Variants in COL4A1 observed in about 807,000 individuals in gnomAD.
The protein encoded by COL4A1 is collagen type IV alpha 1 chain.
Under a neutral mutation model 216.6 loss-of-function variants are expected in COL4A1, and 40 were observed. The ratio of observed to expected loss-of-function variants is 0.18; its 90% CI spans 0.14 to 0.24. The LOEUF (loss-of-function observed/expected upper bound fraction) is 0.24, where lower values mean the gene tolerates loss of function less well. Ranked by LOEUF, COL4A1 falls within the 10% of genes least tolerant of loss-of-function variation. COL4A1 has a pLI of 1.00. For missense variants in COL4A1, 1,628 were observed against 2,196.8 expected (o/e 0.74, Z 5.18); for synonymous variants, 839 against 810.7 (o/e 1.03, Z -0.59).
At position 110,213,803 on chromosome 13, in the gene COL4A1, T is replaced by C; in HGVS notation, c.258A>G (p.Leu86=). The C allele has an allele frequency of 6.2e-7, 1 of 1,614,132 alleles. No homozygotes were observed. Among genetic ancestry groups the C allele is most frequent in the Non-Finnish European group, 8.5e-7 (1 of 1,179,980 alleles). Residue 86 remains leucine (L), a synonymous_variant, in exon 4 of 52, where the codon CTA becomes CTG. Transcript: ENST00000375820. The stretch of plus-strand genomic sequence containing the variant: ...TCACTCTTGTCCCTTTTGTTCCAGG[T>C]AGTCCTGGTTCTCCAGTATCACCCT... ...GQKGDTGEPG[L]PGTKGTRGPP... is the part of the protein sequence containing the mutation.
chr13:110,301,282 C>A (rs1884480902), intron 1 of COL4A1, among the ~76,000 whole-genome samples: 1 of 152,220 alleles, frequency 6.6e-6, no homozygotes, highest in Non-Finnish European at 1.5e-5. Context: ...AAAATTGGAA[C>A]CAATTACAAG....
Position 110,252,661 on chromosome 13 carries a change from G to GTA in COL4A1, c.85-9929_85-9928dup, listed in dbSNP as rs1882183856. Among the ~76,000 whole-genome samples the GTA allele has an allele frequency of 2.2e-5, 3 of 139,086 alleles. No individual in the cohort carries two copies. The Admixed American group carries it at 2.2e-4, about 10-fold the overall frequency. 91.2% of individuals were successfully genotyped at this position (139,086 alleles called of 152,430 possible). ...ATACTTATATACAAAATGTATATAT[G>GTA]TATATATACATATAATATGTATATA... On this transcript the variant is annotated intron_variant, in intron 1 of 51. Coordinates refer to ENST00000375820, the MANE Select transcript of COL4A1 (RefSeq NM_001845.6).
chr13:110,155,379 C>T lies in COL4A1; in HGVS notation c.4659G>A (p.Ala1553=), dbSNP rs141072338. ...PFISRCAVCE[A]PAMVMAVHSQ... is the part of the protein sequence containing the mutation. ...TGTGCACGGCCATCACCATGGCAGG[C>T]GCCTCACACACAGCACACCTGGAAG... The change falls in exon 50 of 52, where the codon GCG becomes GCA. Residue 1553 remains alanine, a synonymous_variant. Transcript: ENST00000375820. 40 of 1,613,814 alleles carry T rather than the reference C, an allele frequency of 2.5e-5. No individual in the cohort carries two copies. Among genetic ancestry groups the T allele is most frequent in the Admixed American group, 1.5e-4 (9 of 60,002 alleles).
In COL4A1 at chr13:110,268,209, T is replaced by TGC. The variant is rs1365963967; in HGVS notation, c.85-25477_85-25476dup. On this transcript the variant is annotated intron_variant, in intron 1 of 51. Coordinates refer to ENST00000375820, the MANE Select transcript of COL4A1 (RefSeq NM_001845.6). The surrounding 1 kb of genome is among the most constrained non-coding windows in gnomAD (Gnocchi z 4.1). Reference sequence around the variant, plus strand: ...AGCAGGGCCGATGCCAACTGTGTCCTGCCTCAGAGCACCGGCACTGCCAGT... The same window carrying TGC: ...AGCAGGGCCGATGCCAACTGTGTCCTGCGCCTCAGAGCACCGGCACTGCCAGT... Among the ~76,000 whole-genome samples the TGC allele has an allele frequency of 6.6e-6, 1 of 152,202 alleles. No homozygotes were observed. Among genetic ancestry groups the TGC allele is most frequent in the Non-Finnish European group, 1.5e-5 (1 of 68,030 alleles).
At chr13:110,202,153 A>G (rs1879280198) in intron 18 of COL4A1, among the ~76,000 whole-genome samples, 1 of 151,834 alleles carries the variant, frequency 6.6e-6, no homozygotes, top group Non-Finnish European at 1.5e-5. Context: ...CATCAATTTG[A>G]GGCTTAGATT....
intron 15 of COL4A1, among the ~76,000 whole-genome samples, 185 bp downstream of exon 15, chr13:110,206,480 C>T (rs538365112): frequency 8.5e-5 from 13 of 152,362 alleles, no homozygotes; most frequent in Admixed American, 3.9e-4. Context: ...GGAAGGACCT[C>T]GCCTGCCTGG....
At chr13:110,190,098 A>C (rs546671584) in intron 24 of COL4A1, among the ~76,000 whole-genome samples, 1 of 152,304 alleles carries the variant, frequency 6.6e-6, no homozygotes, top group Non-Finnish European at 1.5e-5. Flanking sequence ...AGGGTGAGAA[A>C]ATATAATTTT....
intron 1 of COL4A1, among the ~76,000 whole-genome samples, chr13:110,279,942 G>A (rs1253574241): frequency 2.0e-5 from 3 of 152,148 alleles, no homozygotes; most frequent in Non-Finnish European, 2.9e-5. Flanking sequence ...GAGCGTCCAC[G>A]TTGCACCTGC....
intron 43 of COL4A1, 75 bp downstream of exon 43, chr13:110,169,554 C>T: frequency 6.2e-7 from 1 of 1,601,672 alleles, no homozygotes; most frequent in Non-Finnish European, 8.5e-7. Context: ...AATACATACA[C>T]ACATAGACAC....
At chr13:110,256,196 C>G (rs1003471460) in intron 1 of COL4A1, among the ~76,000 whole-genome samples, 1 of 152,046 alleles carries the variant, frequency 6.6e-6, no homozygotes, top group Non-Finnish European at 1.5e-5. Flanking sequence ...TTAAGATGTT[C>G]AAGAGTTGTC....
intron 2 of COL4A1, among the ~76,000 whole-genome samples, chr13:110,226,222 C>T (rs1880731179): frequency 6.6e-6 from 1 of 152,268 alleles, no homozygotes; most frequent in African/African-American, 2.4e-5. Context: ...AAAAAGATGA[C>T]AGTTTCAAGA....
At chr13:110,206,313 G>C (rs560815068) in intron 15 of COL4A1, among the ~76,000 whole-genome samples, 3 of 152,236 alleles carry the variant, frequency 2.0e-5, no homozygotes, top group Non-Finnish European at 4.4e-5. Context: ...TCTCAGGCTT[G>C]TGGCTGTGCA....
chr13:110,151,774 A>G (rs1156275002), intron 51 of COL4A1, among the ~76,000 whole-genome samples: 2 of 152,090 alleles, frequency 1.3e-5, no homozygotes, highest in Non-Finnish European at 2.9e-5. Flanking sequence ...CTCCCAGTCA[A>G]CTCCAGCAAG....
At chr13:110,203,513 T>C (rs1879339551) in intron 18 of COL4A1, 53 bp downstream of exon 18, 3 of 1,600,214 alleles carry the variant, frequency 1.9e-6, no homozygotes, top group Non-Finnish European at 2.6e-6. Context: ...CCCAGGGTCC[T>C]CTCCTTCCTC....
chr13:110,242,080 C>T (rs79474798), intron 2 of COL4A1, among the ~76,000 whole-genome samples: 1 of 152,148 alleles, frequency 6.6e-6, no homozygotes, highest in Non-Finnish European at 1.5e-5. Flanking sequence ...TCTTTCCAAC[C>T]AACTGAAATG....
At chr13:110,253,002 A>G (rs1206553332) in intron 1 of COL4A1, among the ~76,000 whole-genome samples, 1 of 54,674 alleles carries the variant, frequency 1.8e-5, no homozygotes, top group African/African-American at 5.7e-5. Flanking sequence ...TATTACATAT[A>G]CAGATAACTA....
intron 51 of COL4A1, 72 bp from the exon 52 acceptor site, chr13:110,150,516 T>C (rs1876453555): frequency 1.4e-6 from 2 of 1,461,460 alleles, no homozygotes; most frequent in South Asian, 1.2e-5. Flanking sequence ...ACTCCTGCCC[T>C]GCTCGGAAAT....
intron 1 of COL4A1, among the ~76,000 whole-genome samples, chr13:110,295,166 C>T (rs1884222580): frequency 6.6e-6 from 1 of 151,882 alleles, no homozygotes; most frequent in African/African-American, 2.4e-5. Context: ...GAAGATCCCA[C>T]TTTTAGACTC....
At chr13:110,187,431 G>T in intron 24 of COL4A1, 102 bp from the exon 25 acceptor site, 1 of 1,382,842 alleles carries the variant, frequency 7.2e-7, no homozygotes, top group Non-Finnish European at 1.0e-6. Flanking sequence ...CCACCTTCTT[G>T]AAAATGGTCA....
Sources: allele counts gnomAD v4.1 joint callset (sites outside exome capture counted in the v4.1 genomes callset), GRCh38; gene constraint gnomAD v4.1.1; non-coding constraint Gnocchi (gnomAD v3.1); transcripts MANE v1.5; gene names NCBI Gene and HGNC (gene_info 2026-07-23, HGNC 2026-07-21).